The following LSG1 variants were observed in gnomAD, a reference collection of about 807,000 sequenced individuals.
LSG1 encodes the protein large 60S subunit nuclear export GTPase 1, also known as large subunit GTPase 1 homolog.
Under a neutral mutation model 82.6 loss-of-function variants are expected in LSG1, and 55 were observed. That is an observed-to-expected ratio of 0.67 (90% confidence interval 0.54 to 0.83). LSG1 has a LOEUF of 0.83. Ranked by LOEUF, LSG1 falls within the 40% of genes least tolerant of loss-of-function variation. The pLI, the probability that LSG1 is intolerant of heterozygous loss-of-function variation, is 0.00. For synonymous variants in LSG1, 272 were observed against 282.5 expected, an observed-to-expected ratio of 0.96 and a Z score of 0.37; for missense variants, 809 against 807.9, an observed-to-expected ratio of 1.00 and a Z score of -0.02.
intron 5 of LSG1, chr3:194,660,877 G>A (rs1718912121): frequency 2.2e-6 from 1 of 456,456 alleles, no homozygotes. Flanking sequence ...GGGACTACAG[G>A]TGTCCAGCAC....
chr3:194,671,752 TG>T lies in LSG1; in HGVS notation c.99+311del, dbSNP rs1719142787. ...AATACGTTTTGTCTTTTTCCTGCTC[TG>T]GAAGTTCCAAGCACTTCAGTGGCTT... is the stretch of plus-strand genomic sequence containing the variant. On this transcript the variant is annotated intron_variant, in intron 1 of 13. Coordinates refer to ENST00000265245, the MANE Select transcript of LSG1 (RefSeq NM_018385.3). The T allele has an allele frequency of 1.9e-5, 8 of 412,508 alleles. No homozygotes were observed. In the Admixed American group the frequency reaches 2.7e-4, roughly 14 times the overall value. 25.6% of individuals were successfully genotyped at this position (412,508 alleles called of 1,614,324 possible). A position where few individuals can be genotyped will look rare whatever the true frequency, so the allele number is the denominator to read the frequency against.
chr3:194,650,813 G>A (rs185951325), intron 10 of LSG1, 68 bp downstream of exon 10: 14 of 1,495,508 alleles, frequency 9.4e-6, no homozygotes, highest in Admixed American at 8.3e-5. Context: ...TCCCTCAAAT[G>A]CCCAAAATAA....
chr3:194,667,358 G>A (rs1286251626), intron 2 of LSG1, among the ~76,000 whole-genome samples: 1 of 151,998 alleles, frequency 6.6e-6, no homozygotes, highest in Non-Finnish European at 1.5e-5. Flanking sequence ...GCCTGCAACT[G>A]TAAACTTCGA....
chr3:194,652,291 A>C (rs145724009), intron 8 of LSG1, among the ~76,000 whole-genome samples: 17 of 152,240 alleles, frequency 1.1e-4, no homozygotes, highest in Non-Finnish European at 2.4e-4. Context: ...TATGCAACTA[A>C]TGCATTTGTC....
chr3:194,660,937 C>T (rs973772248), intron 5 of LSG1: 7 of 456,166 alleles, frequency 1.5e-5, no homozygotes, highest in Non-Finnish European at 3.1e-5. Flanking sequence ...TCCCTTCCTT[C>T]AGCCTCTGTG....
At chr3:194,663,735 C>T (rs112519949) in intron 5 of LSG1, among the ~76,000 whole-genome samples, 2 of 12,746 alleles carry the variant, frequency 1.6e-4, no homozygotes, top group Admixed American at 7.4e-4. Context: ...TCCCTTCTTC[C>T]GCCTCAGAGA....
At chr3:194,662,457 T>C (rs1475446284) in intron 5 of LSG1, among the ~76,000 whole-genome samples, 1 of 151,802 alleles carries the variant, frequency 6.6e-6, no homozygotes, top group African/African-American at 2.4e-5. Context: ...CAGGAGATCA[T>C]TCTTCTTTTT....
chr3:194,663,372 G>T (rs114979531), intron 5 of LSG1, among the ~76,000 whole-genome samples: 1 of 148,046 alleles, frequency 6.8e-6, no homozygotes. Flanking sequence ...CCCTTCTTCC[G>T]CCTCAGAGAA....
At position 194,650,889 on chromosome 3, in the gene LSG1, C is replaced by G. The variant is rs777303992; in HGVS notation, c.1411G>C (p.Val471Leu). 1.2e-5 allele frequency: 19 copies of G among 1,612,762 alleles called. No individual in the cohort carries two copies. Among genetic ancestry groups the G allele is most frequent in the Non-Finnish European group, 1.6e-5 (19 of 1,179,494 alleles). ...IDQMRDHVPP[V>L]SLVCQNIPRH... ...CAAAGCAGAAAGGATATTAGTGATA[C>G]AGGAGGAACATGATCTCTCATCTGA... is the stretch of plus-strand genomic sequence containing the variant. Residue 471 changes from valine to leucine, a missense_variant, in exon 10 of 14, where the codon GTA becomes CTA. Transcript: ENST00000265245.
chr3:194,652,541 G>A (rs1041513487), intron 8 of LSG1, among the ~76,000 whole-genome samples, 188 bp downstream of exon 8: 1 of 152,204 alleles, frequency 6.6e-6, no homozygotes, highest in Admixed American at 6.5e-5. Context: ...AGGCCTTGAG[G>A]AAGTTGATTC....
chr3:194,664,199 T>G (rs1381317209), intron 5 of LSG1, among the ~76,000 whole-genome samples: 1 of 152,152 alleles, frequency 6.6e-6, no homozygotes, highest in Non-Finnish European at 1.5e-5. Flanking sequence ...GTGATCCACC[T>G]GCCTGGACCT....
At chr3:194,661,508 C>A (rs549976133) in intron 5 of LSG1, among the ~76,000 whole-genome samples, 1 of 152,210 alleles carries the variant, frequency 6.6e-6, no homozygotes, top group Non-Finnish European at 1.5e-5. Context: ...GGGGTCTACA[C>A]AGCACAATGG....
intron 5 of LSG1, chr3:194,661,010 T>A: frequency 5.0e-6 from 2 of 402,564 alleles, no homozygotes; most frequent in Admixed American, 2.9e-5. Flanking sequence ...GATGCATGAC[T>A]ACCTCACGGC....
rs1163986982 is a variant in LSG1 at position 194,659,029 on chromosome 3, G to A, written c.687C>T (p.Phe229=). Residue 229 remains phenylalanine, a synonymous_variant, in exon 7 of 14, where the codon TTC becomes TTT. Coordinates refer to ENST00000265245, the MANE Select transcript of LSG1 (RefSeq NM_018385.3). ...AAATAACCTTCACATCTTCTTTTTC[G>A]AAGTACATGGCCCAGGCACTCCGCT... ...AEQRSAWAMY[F]EKEDVKVIFW... The A allele has an allele frequency of 9.3e-6, 15 of 1,614,124 alleles. No individual in the cohort carries two copies. The highest frequency in any genetic ancestry group is 1.7e-5 in the Admixed American group (1 of 60,012).
At position 194,641,333 on chromosome 3, in the gene LSG1, C is replaced by T. The variant is rs138201969; in HGVS notation, c.*735G>A. ...CTCAATCTTCCCATTCCTCCCATCC[C>T]GAAGCAACCACTAATCTACTTCCTC... is the stretch of plus-strand genomic sequence containing the variant. On this transcript the variant is annotated 3_prime_UTR_variant, in exon 14 of 14. Transcript: ENST00000265245. The T allele has an allele frequency of 8.1e-4, 124 of 152,310 alleles. 1 individual carries two copies. The highest frequency in any genetic ancestry group is 2.5e-3 in the African/African-American group (104 of 41,554). The allele number at this position is 152,310 out of a possible 1,614,324, so 9.4% of individuals were successfully genotyped here. A position where few individuals can be genotyped will look rare whatever the true frequency, so the allele number is the denominator to read the frequency against.
chr3:194,659,236 T>C, intron 6 of LSG1, 103 bp from the exon 7 acceptor site: 2 of 829,904 alleles, frequency 2.4e-6, no homozygotes, highest in South Asian at 3.5e-5. Context: ...CCCCTAGTTT[T>C]AAATCATTTC....
intron 1 of LSG1, among the ~76,000 whole-genome samples, chr3:194,671,680 A>G (rs904070365): frequency 6.6e-5 from 10 of 152,226 alleles, no homozygotes; most frequent in Non-Finnish European, 1.5e-4. Context: ...TTCTGGCAGT[A>G]ACCAACCGCT....
intron 7 of LSG1, among the ~76,000 whole-genome samples, chr3:194,655,501 G>GT (rs1205544923): frequency 1.3e-5 from 2 of 152,108 alleles, no homozygotes; most frequent in Admixed American, 6.5e-5. Flanking sequence ...CCTAAGAATG[G>GT]TAAGTATCTA....
intron 8 of LSG1, among the ~76,000 whole-genome samples, chr3:194,652,309 G>A (rs1455059081): frequency 3.9e-5 from 6 of 152,080 alleles, no homozygotes; most frequent in East Asian, 3.9e-4. Context: ...GTCATATTTC[G>A]TCCAGCCCCA....
Sources: gnomAD v4.1 joint callset for allele counts (sites outside exome capture counted in the v4.1 genomes callset) on GRCh38, gnomAD v4.1.1 for gene constraint, MANE v1.5 for transcripts, NCBI Gene and HGNC (gene_info 2026-07-23, HGNC 2026-07-21) for gene names.